TRDN: variants seen among roughly 807,000 people sequenced by gnomAD.
TRDN encodes the protein triadin in skeletal muscle.
In TRDN, 161 loss-of-function variants were observed where a neutral mutation model predicts 149.7. The ratio of observed to expected loss-of-function variants is 1.08; its 90% CI spans 0.95 to 1.23. TRDN has a LOEUF of 1.23. TRDN is among the 50% of genes most tolerant of loss of function. The pLI, the probability that TRDN is intolerant of heterozygous loss-of-function variation, is 0.00. For synonymous variants in TRDN, 294 were observed against 250.5 expected, an observed-to-expected ratio of 1.17 and a Z score of -1.64; for missense variants, 896 against 823.5, an observed-to-expected ratio of 1.09 and a Z score of -1.08.
At chr6:123,519,890 A>C (rs1267023997) in intron 5 of TRDN, among the ~76,000 whole-genome samples, 1 of 152,244 alleles carries the variant, frequency 6.6e-6, no homozygotes, top group African/African-American at 2.4e-5. Context: ...GTTAGGTATT[A>C]GTGCTAAAAT....
At chr6:123,411,528 C>T (rs1210172268) in intron 12 of TRDN, among the ~76,000 whole-genome samples, 1 of 151,970 alleles carries the variant, frequency 6.6e-6, no homozygotes, top group Non-Finnish European at 1.5e-5. Flanking sequence ...GATGTGAGAA[C>T]AAGCTATGGC....
chr6:123,562,732 T>A (rs1782068932), intron 2 of TRDN, among the ~76,000 whole-genome samples: 1 of 152,190 alleles, frequency 6.6e-6, no homozygotes, highest in Admixed American at 6.5e-5. Flanking sequence ...TAAAATCCAT[T>A]TGATTTGCAA....
intron 1 of TRDN, among the ~76,000 whole-genome samples, chr6:123,578,526 G>A (rs1454191430): frequency 6.6e-6 from 1 of 152,054 alleles, no homozygotes; most frequent in Non-Finnish European, 1.5e-5. Context: ...GACTGTTTTT[G>A]TATGAGTACC....
chr6:123,532,811 A>T (rs1389428943), intron 4 of TRDN, among the ~76,000 whole-genome samples: 1 of 135,496 alleles, frequency 7.4e-6, no homozygotes, highest in Non-Finnish European at 1.7e-5. Flanking sequence ...TAAATTACAT[A>T]TGTGACTCCT....
intron 6 of TRDN, among the ~76,000 whole-genome samples, chr6:123,514,631 AACACACAC>A (rs60716520): frequency 8.8e-5 from 13 of 147,590 alleles, no homozygotes; most frequent in African/African-American, 1.7e-4. Context: ...ACATACCCAA[AACACACAC>A]ACACACACAC....
intron 9 of TRDN, among the ~76,000 whole-genome samples, chr6:123,475,612 G>T (rs1777434241): frequency 8.3e-6 from 1 of 119,812 alleles, no homozygotes; most frequent in Non-Finnish European, 1.7e-5. Flanking sequence ...CCAAAAAAGA[G>T]AATTTTAGAC....
At chr6:123,562,506 G>A (rs1046070220) in intron 2 of TRDN, among the ~76,000 whole-genome samples, 1 of 152,190 alleles carries the variant, frequency 6.6e-6, no homozygotes, top group Non-Finnish European at 1.5e-5. Flanking sequence ...ATGAGCTACA[G>A]AGTAGGTTCT....
intron 39 of TRDN, among the ~76,000 whole-genome samples, chr6:123,222,073 C>G (rs1775168231): frequency 6.6e-6 from 1 of 151,612 alleles, no homozygotes; most frequent in Non-Finnish European, 1.5e-5. Flanking sequence ...TGTAGTGTTG[C>G]ATAGCTTGAA....
At chr6:123,495,636 G>A (rs1778415325) in intron 9 of TRDN, among the ~76,000 whole-genome samples, 1 of 152,168 alleles carries the variant, frequency 6.6e-6, no homozygotes, top group Non-Finnish European at 1.5e-5. Context: ...AAAGTGCTGT[G>A]ATGACAGGTA....
chr6:123,376,076 A>G (rs548273418), intron 18 of TRDN, among the ~76,000 whole-genome samples: 8 of 152,302 alleles, frequency 5.3e-5, no homozygotes, highest in African/African-American at 1.9e-4. Flanking sequence ...GTAATCACAC[A>G]CTGAAAAAAA....
At chr6:123,354,810 C>T (rs1299303019) in intron 20 of TRDN, among the ~76,000 whole-genome samples, 1 of 151,524 alleles carries the variant, frequency 6.6e-6, no homozygotes, top group Non-Finnish European at 1.5e-5. Flanking sequence ...ATTTCAGGCA[C>T]CAGCAATAGG....
chr6:123,630,198 T>C (rs768449733), intron 1 of TRDN, among the ~76,000 whole-genome samples: 1 of 152,092 alleles, frequency 6.6e-6, no homozygotes, highest in African/African-American at 2.4e-5. Context: ...AGATAATATG[T>C]ATTTTTTAAA....
intron 38 of TRDN, among the ~76,000 whole-genome samples, chr6:123,245,207 C>T (rs1385254236): frequency 1.3e-5 from 2 of 152,138 alleles, no homozygotes; most frequent in Admixed American, 6.5e-5. Flanking sequence ...AAATAGCCAG[C>T]TGGCATCATA....
chr6:123,440,580 G>T (rs1041891102), intron 10 of TRDN, among the ~76,000 whole-genome samples: 1 of 152,038 alleles, frequency 6.6e-6, no homozygotes, highest in Non-Finnish European at 1.5e-5. Context: ...TCAGCAAAGG[G>T]GTTAATTAAA....
rs550900409 is a variant in TRDN at position 123,352,218 on chromosome 6, A to C, written c.1369+321T>G. ...TCAGTAAGGTGGTGTTAAAACCACA[A>C]ATCAAATAGGAATATGTCTACCAGT... On this transcript the variant is annotated intron_variant, in intron 21 of 40. Coordinates refer to ENST00000334268, the MANE Select transcript of TRDN (RefSeq NM_006073.4). 3.0e-5 allele frequency: 30 copies of C among 985,058 alleles called. No individual in the cohort carries two copies. The African/African-American group carries it at 4.4e-4, about 14-fold the overall frequency. The allele number at this position is 985,058 out of a possible 1,614,324, so 61.0% of individuals were successfully genotyped here.
At chr6:123,307,887 G>T (rs905335480) in intron 24 of TRDN, among the ~76,000 whole-genome samples, 3 of 151,798 alleles carry the variant, frequency 2.0e-5, no homozygotes, top group African/African-American at 7.3e-5. Context: ...GATTTAAAAG[G>T]TACATGTGCA....
At chr6:123,342,225 A>G (rs895767551) in intron 21 of TRDN, among the ~76,000 whole-genome samples, 1 of 151,958 alleles carries the variant, frequency 6.6e-6, no homozygotes, top group African/African-American at 2.4e-5. Context: ...ATAAAAACAT[A>G]AAATTAGCCC....
intron 23 of TRDN, among the ~76,000 whole-genome samples, chr6:123,318,637 A>T (rs1779123045): frequency 6.6e-6 from 1 of 152,028 alleles, no homozygotes; most frequent in African/African-American, 2.4e-5. Flanking sequence ...GTTCATTAGC[A>T]TTTTGCTCAT....
intron 1 of TRDN, among the ~76,000 whole-genome samples, chr6:123,589,475 A>T (rs535966526): frequency 5.9e-5 from 9 of 152,288 alleles, no homozygotes; most frequent in East Asian, 3.9e-4. Flanking sequence ...ATGACATGCC[A>T]TTTCAATTTG....
Sources: gnomAD v4.1 joint callset for allele counts (sites outside exome capture counted in the v4.1 genomes callset) on GRCh38, gnomAD v4.1.1 for gene constraint, MANE v1.5 for transcripts, NCBI Gene and HGNC (gene_info 2026-07-23, HGNC 2026-07-21) for gene names.